The following CACNA1C variants were observed in gnomAD, a reference collection of about 807,000 sequenced individuals.
The protein encoded by CACNA1C is calcium voltage-gated channel subunit alpha1 C, also known as voltage-dependent L-type calcium channel subunit alpha-1C.
In CACNA1C, 30 loss-of-function variants were observed where a neutral mutation model predicts 229.0. The ratio of observed to expected loss-of-function variants is 0.13; its 90% CI spans 0.10 to 0.18. The LOEUF is 0.18. CACNA1C is among the 10% of genes least tolerant of loss of function. The pLI is 1.00. For synonymous variants in CACNA1C, 1,114 were observed against 1,132.5 expected (o/e 0.98, Z 0.33); for missense variants, 1,658 against 2,845.0 (o/e 0.58, Z 9.49).
intron 3 of CACNA1C, among the ~76,000 whole-genome samples, chr12:2,251,297 G>C (rs1240932300): frequency 1.3e-5 from 2 of 152,190 alleles, no homozygotes; most frequent in Non-Finnish European, 2.9e-5. Flanking sequence ...CTGGGATCGT[G>C]ACCATCATGA....
intron 3 of CACNA1C, among the ~76,000 whole-genome samples, chr12:2,358,640 AAGT>A (rs2097460343): frequency 6.6e-6 from 1 of 152,206 alleles, no homozygotes; most frequent in South Asian, 2.1e-4. Flanking sequence ...ACGAGTTTCT[AAGT>A]GCACTAGGCT....
At chr12:2,109,473 A>G (rs2080748874) in intron 1 of CACNA1C, among the ~76,000 whole-genome samples, 1 of 152,230 alleles carries the variant, frequency 6.6e-6, no homozygotes, top group African/African-American at 2.4e-5. Context: ...AGAGCTGAGC[A>G]TGTCTGAGGC....
Position 2,156,111 on chromosome 12 carries a change from A to G in CACNA1C, c.477+35681A>G, listed in dbSNP as rs544104734. 2.6e-4 allele frequency among the ~76,000 whole-genome samples: 39 copies of G among 152,328 alleles called. 2 individuals carry two copies. The South Asian group carries it at 7.9e-3, about 31-fold the overall frequency. ...GCAGGACTCCATTCCTGTTAAGCTAAAAATGGGCCAAATGAAGCTATCTTT... is the reference window on the plus strand; with the variant it reads ...GCAGGACTCCATTCCTGTTAAGCTAGAAATGGGCCAAATGAAGCTATCTTT... On this transcript the variant is annotated intron_variant, in intron 3 of 46. Coordinates refer to ENST00000399655, the MANE Select transcript of CACNA1C (RefSeq NM_000719.7).
Position 2,211,804 on chromosome 12 carries a change from C to T in CACNA1C, c.477+91374C>T, listed in dbSNP as rs182257120. Reference sequence around the variant, plus strand: ...CATGGTCTCGGCTCACTGCAACCTCCGCCTTCCAGGTTCAAGCGATTCTCC... The same window carrying T: ...CATGGTCTCGGCTCACTGCAACCTCTGCCTTCCAGGTTCAAGCGATTCTCC... On this transcript the variant is annotated intron_variant, in intron 3 of 46. Coordinates refer to ENST00000399655, the MANE Select transcript of CACNA1C (RefSeq NM_000719.7). Among the ~76,000 whole-genome samples the T allele has an allele frequency of 1.4e-3, 217 of 151,452 alleles. 1 individual carries two copies. Among genetic ancestry groups the T allele is most frequent in the Non-Finnish European group, 1.9e-3 (131 of 67,870 alleles).
intron 1 of CACNA1C, among the ~76,000 whole-genome samples, chr12:2,063,493 A>G (rs144726272): frequency 1.3e-5 from 2 of 152,340 alleles, no homozygotes; most frequent in East Asian, 3.9e-4. Flanking sequence ...GTGTAGTCTG[A>G]CTGTTGATAA....
intron 34 of CACNA1C, among the ~76,000 whole-genome samples, chr12:2,662,543 A>C (rs11062298): frequency 0.62 from 94,184 of 152,106 alleles, 30,873 homozygotes; most frequent in Non-Finnish European, 0.73. Context: ...ACTTAATATC[A>C]TAAAGATGTC....
intron 43 of CACNA1C, among the ~76,000 whole-genome samples, chr12:2,683,817 G>A (rs371304015): frequency 2.0e-5 from 3 of 152,328 alleles, no homozygotes; most frequent in South Asian, 2.1e-4. Context: ...ACTCTGGAAC[G>A]GCAGCACAGT....
chr12:2,671,533 A>C (rs1431106743), intron 38 of CACNA1C, among the ~76,000 whole-genome samples: 1 of 152,210 alleles, frequency 6.6e-6, no homozygotes, highest in Non-Finnish European at 1.5e-5. Flanking sequence ...CAGGAGGAAT[A>C]TGCTGTAATA....
chr12:2,565,045 A>G (rs755273509), intron 11 of CACNA1C, among the ~76,000 whole-genome samples: 1 of 152,100 alleles, frequency 6.6e-6, no homozygotes, highest in African/African-American at 2.4e-5. Context: ...ACAGAGCTGT[A>G]TATTTTCTCT....
At chr12:2,000,018 G>C (rs1007338684) in intron 1 of CACNA1C, among the ~76,000 whole-genome samples, 3 of 152,120 alleles carry the variant, frequency 2.0e-5, no homozygotes, top group African/African-American at 7.2e-5. Flanking sequence ...TGTATATCCT[G>C]AGTGTACCTG....
chr12:2,453,794 G>A (rs763785399), intron 4 of CACNA1C, among the ~76,000 whole-genome samples: 1 of 152,184 alleles, frequency 6.6e-6, no homozygotes, highest in African/African-American at 2.4e-5. Context: ...TGCAGTCTCT[G>A]TTCCAGCTAC....
chr12:1,980,099 A>G (rs1173500010), intron 1 of CACNA1C, among the ~76,000 whole-genome samples: 1 of 152,202 alleles, frequency 6.6e-6, no homozygotes, highest in Non-Finnish European at 1.5e-5. Flanking sequence ...TGTCCCCATC[A>G]ATTTCACTCC....
At position 2,052,989 on chromosome 12, in the gene CACNA1C, C is replaced by T. The variant is rs2052730335; in HGVS notation, c.-574C>T. 4 of 983,402 alleles carry T rather than the reference C, an allele frequency of 4.1e-6. No homozygotes were observed. The highest frequency in any genetic ancestry group is 4.8e-6 in the Non-Finnish European group (4 of 829,180). 60.9% of individuals were successfully genotyped at this position (983,402 alleles called of 1,614,324 possible). On this transcript the variant is annotated 5_prime_UTR_variant, in exon 1 of 47. Transcript: ENST00000399655. ...CGCGGCGCTCTCGCGCGCCCGGTGT[C>T]TCCCTCTCGCTGCCTCTGCAGAAAC...
chr12:2,025,475 C>G lies in CACNA1C; in HGVS notation c.139+54274C>G, dbSNP rs147827793. On this transcript the variant is annotated intron_variant, in intron 1 of 46. Coordinates refer to the CACNA1C transcript ENST00000682462. ...ACTCTCTGCAGAGTTGAGGGCCAGA[C>G]ACCTTCTTGTTGAGGACTTAGTTTA... Among the ~76,000 whole-genome samples, 653 of 152,300 alleles carry G rather than the reference C, an allele frequency of 4.3e-3. 3 individuals carry two copies. The highest frequency in any genetic ancestry group is 0.015 in the African/African-American group (620 of 41,558).
intron 3 of CACNA1C, among the ~76,000 whole-genome samples, chr12:2,365,227 C>T (rs1401680914): frequency 2.0e-5 from 3 of 152,148 alleles, no homozygotes; most frequent in Admixed American, 2.0e-4. Flanking sequence ...GGAGAGTAAG[C>T]TCGATGTTAA....
At chr12:2,186,233 G>C (rs1461782412) in intron 3 of CACNA1C, among the ~76,000 whole-genome samples, 1 of 152,156 alleles carries the variant, frequency 6.6e-6, no homozygotes, top group Non-Finnish European at 1.5e-5. Flanking sequence ...GCCTTCCCTG[G>C]TTCCCTCCCG....
intron 7 of CACNA1C, among the ~76,000 whole-genome samples, chr12:2,498,612 C>G (rs1476533811): frequency 6.6e-6 from 1 of 152,216 alleles, no homozygotes; most frequent in Non-Finnish European, 1.5e-5. Context: ...CAGTTCAGGT[C>G]TAACTAAAGA....
intron 37 of CACNA1C, among the ~76,000 whole-genome samples, chr12:2,667,917 C>T (rs574485206): frequency 5.3e-5 from 8 of 152,306 alleles, no homozygotes; most frequent in African/African-American, 1.9e-4. Flanking sequence ...CGCGCTTGCT[C>T]GTCATGACCC....
At chr12:2,457,495 C>T (rs2099441790) in intron 4 of CACNA1C, 72 bp from the exon 5 acceptor site, 1 of 1,525,494 alleles carries the variant, frequency 6.6e-7, no homozygotes, top group Non-Finnish European at 8.9e-7. Flanking sequence ...GGGCTGTATC[C>T]AGAGGTCAGA....
Sources: allele counts gnomAD v4.1 joint callset (sites outside exome capture counted in the v4.1 genomes callset), GRCh38; gene constraint gnomAD v4.1.1; transcripts MANE v1.5; gene names NCBI Gene and HGNC (gene_info 2026-07-23, HGNC 2026-07-21).